Variants in POSTN observed in about 807,000 individuals in gnomAD.
The protein encoded by POSTN is osteoblast specific factor 2 (fasciclin I-like).
POSTN carries 71 observed loss-of-function variants against 104.5 expected under a neutral mutation model. The observed-to-expected ratio is 0.68, with a 90% CI of 0.56 to 0.83. The LOEUF (loss-of-function observed/expected upper bound fraction) is 0.83, where lower values mean the gene tolerates loss of function less well. POSTN is among the 40% of genes least tolerant of loss of function. POSTN has a pLI of 0.00. For synonymous variants in POSTN, 355 were observed against 340.7 expected (o/e 1.04, Z -0.46); for missense variants, 949 against 1,006.8 (o/e 0.94, Z 0.78).
At chr13:37,581,197 T>C (rs550131739) in intron 10 of POSTN, among the ~76,000 whole-genome samples, 1 of 152,208 alleles carries the variant, frequency 6.6e-6, no homozygotes, top group Non-Finnish European at 1.5e-5. Flanking sequence ...CATATATTTG[T>C]ATATACAAAA....
intron 6 of POSTN, 81 bp from the exon 7 acceptor site, chr13:37,586,361 A>C: frequency 7.1e-7 from 1 of 1,417,862 alleles, no homozygotes; most frequent in Non-Finnish European, 9.6e-7. Context: ...CTAGGCTGAC[A>C]TGAAGGAGCT....
intron 3 of POSTN, among the ~76,000 whole-genome samples, chr13:37,591,563 G>C (rs2138372350): frequency 6.6e-6 from 1 of 152,232 alleles, no homozygotes; most frequent in South Asian, 2.1e-4. Flanking sequence ...AAAAGAATTG[G>C]GGATGGTTAG....
chr13:37,584,440 C>T (rs541022516), intron 8 of POSTN, among the ~76,000 whole-genome samples: 5 of 152,118 alleles, frequency 3.3e-5, no homozygotes, highest in Non-Finnish European at 5.9e-5. Flanking sequence ...TTAGATCTTT[C>T]CTTCTCTTTC....
At chr13:37,585,023 T>A in intron 7 of POSTN, 95 bp from the exon 8 acceptor site, 1 of 1,485,232 alleles carries the variant, frequency 6.7e-7, no homozygotes, top group Non-Finnish European at 8.9e-7. Context: ...AAGTATTCCT[T>A]AAAATGTAGT....
chr13:37,581,362 G>C (rs754382641), intron 10 of POSTN, among the ~76,000 whole-genome samples: 2 of 152,122 alleles, frequency 1.3e-5, no homozygotes, highest in Non-Finnish European at 2.9e-5. Context: ...GACAAATACT[G>C]AACGTATCAT....
chr13:37,564,207 T>C lies in POSTN; in HGVS notation c.2473+312A>G, dbSNP rs1416180459. On this transcript the variant is annotated intron_variant, in intron 22 of 22. Coordinates refer to ENST00000379747, the MANE Select transcript of POSTN (RefSeq NM_006475.3). ...ATATATATATATATATATATATATA[T>C]ATATATATATATATATATATATGTA... is the stretch of plus-strand genomic sequence containing the variant. Among the ~76,000 whole-genome samples the C allele has an allele frequency of 1.8e-3, 231 of 126,460 alleles. 9 individuals are homozygous for C. Among genetic ancestry groups the C allele is most frequent in the African/African-American group, 6.3e-3 (188 of 29,682 alleles). The allele number at this position is 126,460 out of a possible 152,430, so 83.0% of individuals were successfully genotyped here.
At chr13:37,581,918 T>C (rs1415655006) in intron 10 of POSTN, among the ~76,000 whole-genome samples, 1 of 152,218 alleles carries the variant, frequency 6.6e-6, no homozygotes, top group African/African-American at 2.4e-5. Flanking sequence ...AGAGACAGCA[T>C]AGTGCTAACA....
chr13:37,584,554 T>C (rs866343167), intron 8 of POSTN, among the ~76,000 whole-genome samples, 162 bp downstream of exon 8: 3 of 152,168 alleles, frequency 2.0e-5, no homozygotes, highest in Non-Finnish European at 2.9e-5. Flanking sequence ...ACACTGCCTA[T>C]CTATGGAGTG....
intron 15 of POSTN, among the ~76,000 whole-genome samples, chr13:37,578,187 A>G (rs527372015): frequency 4.8e-4 from 73 of 152,186 alleles, no homozygotes; most frequent in Non-Finnish European, 9.0e-4. Flanking sequence ...AAAGTATTGA[A>G]TGATACAACG....
chr13:37,588,343 T>C (rs1950818647), intron 4 of POSTN, among the ~76,000 whole-genome samples: 1 of 152,092 alleles, frequency 6.6e-6, no homozygotes, highest in African/African-American at 2.4e-5. Context: ...AAAAATGACA[T>C]TATATTTGTA....
chr13:37,575,065 A>T (rs1219141112), intron 16 of POSTN, among the ~76,000 whole-genome samples: 1 of 152,054 alleles, frequency 6.6e-6, no homozygotes, highest in Non-Finnish European at 1.5e-5. Context: ...TCTCAATTAA[A>T]AGAAAAAATG....
chr13:37,585,338 T>G (rs1162057314), intron 7 of POSTN, among the ~76,000 whole-genome samples: 1 of 150,672 alleles, frequency 6.6e-6, no homozygotes, highest in Non-Finnish European at 1.5e-5. Flanking sequence ...GGCCGGGAGT[T>G]CAAGACCATG....
intron 2 of POSTN, 104 bp downstream of exon 2, chr13:37,597,080 G>T: frequency 1.6e-6 from 1 of 628,262 alleles, no homozygotes; most frequent in Non-Finnish European, 2.6e-6. Context: ...TCACAATTTT[G>T]GTCAGTATTT....
chr13:37,594,903 G>T (rs1053705635), intron 2 of POSTN, among the ~76,000 whole-genome samples: 2 of 151,844 alleles, frequency 1.3e-5, no homozygotes, highest in Non-Finnish European at 2.9e-5. Context: ...TTTGAAATTA[G>T]CATTTACATT....
rs758932905 is a variant in POSTN, at chr13:37,579,221, C to A, written c.1791+8G>T. On this transcript the variant is annotated splice_region_variant and intron_variant, in intron 13 of 22. Coordinates refer to ENST00000379747, the MANE Select transcript of POSTN (RefSeq NM_006475.3). ...AACACTATCATAAATTCATTCTAGA[C>A]AACTTACTTCTTTCAGAAAGATTTT... 12 of 1,609,846 alleles carry A rather than the reference C, an allele frequency of 7.5e-6. No homozygotes were observed. The African/African-American group carries it at 1.3e-4, about 18-fold the overall frequency.
chr13:37,582,328 C>A (rs369594327), intron 10 of POSTN, 38 bp downstream of exon 10: 1 of 1,572,570 alleles, frequency 6.4e-7, no homozygotes, highest in South Asian at 1.2e-5. Context: ...TTTGACATGT[C>A]ATTTGACAGA....
chr13:37,564,498 T>C (rs767482654), intron 22 of POSTN, 21 bp downstream of exon 22: 1 of 1,469,692 alleles, frequency 6.8e-7, no homozygotes, highest in Non-Finnish European at 9.5e-7. Context: ...ATACACACAT[T>C]ACTATAGCCA....
intron 17 of POSTN, among the ~76,000 whole-genome samples, chr13:37,573,451 A>G (rs907171556): frequency 4.0e-5 from 6 of 151,376 alleles, no homozygotes; most frequent in Non-Finnish European, 8.9e-5. Context: ...CTCAATTTTA[A>G]GTCTCAAGAA....
In POSTN at chr13:37,587,997, T is replaced by C. The variant is rs1317162830; in HGVS notation, c.442-11A>G. The C allele has an allele frequency of 5.1e-6, 8 of 1,577,514 alleles. No homozygotes were observed. Among genetic ancestry groups the C allele is most frequent in the South Asian group, 1.1e-5 (1 of 87,262 alleles). On this transcript the variant is annotated splice_polypyrimidine_tract_variant and intron_variant, in intron 4 of 22. Transcript: ENST00000379747. ...ACCTCTACGGATATCCTAGGAAAAA[T>C]TGCAATGATAGAAATTCAATTTATT...
Sources: allele counts gnomAD v4.1 joint callset (sites outside exome capture counted in the v4.1 genomes callset), GRCh38; gene constraint gnomAD v4.1.1; transcripts MANE v1.5; gene names NCBI Gene and HGNC (gene_info 2026-07-23, HGNC 2026-07-21).